CR1L: variants seen among roughly 807,000 people sequenced by gnomAD.
The protein encoded by CR1L is complement C3b/C4b receptor 1 like.
CR1L carries 59 observed loss-of-function variants against 62.3 expected under a neutral mutation model. The observed-to-expected ratio is 0.95, with a 90% CI of 0.77 to 1.18. CR1L has a LOEUF of 1.18. CR1L is among the 50% of genes most tolerant of loss of function. The pLI, the probability that CR1L is intolerant of heterozygous loss-of-function variation, is 0.00. For missense variants in CR1L, 700 were observed against 702.8 expected (o/e 1.00, Z 0.04); for synonymous variants, 279 against 248.7 (o/e 1.12, Z -1.15).
chr1:207,665,615 G>A (rs1219835910), intron 1 of CR1L, among the ~76,000 whole-genome samples: 2 of 151,722 alleles, frequency 1.3e-5, no homozygotes, highest in Non-Finnish European at 1.5e-5. Context: ...GGCTGGTCTC[G>A]AACTCCTGAC....
intron 1 of CR1L, among the ~76,000 whole-genome samples, chr1:207,656,041 A>T (rs1663305154): frequency 6.6e-6 from 1 of 152,148 alleles, no homozygotes; most frequent in Non-Finnish European, 1.5e-5. Flanking sequence ...GATCCAGACC[A>T]TCCTGTCTAA....
intron 1 of CR1L, among the ~76,000 whole-genome samples, chr1:207,654,710 C>T (rs932218020): frequency 2.6e-5 from 4 of 152,168 alleles, no homozygotes; most frequent in Admixed American, 6.6e-5. Context: ...AACAACCCCA[C>T]GAGCTATGTA....
intron 1 of CR1L, among the ~76,000 whole-genome samples, chr1:207,645,971 C>G (rs961304114): frequency 6.6e-6 from 1 of 152,108 alleles, no homozygotes; most frequent in African/African-American, 2.4e-5. Context: ...GCGGACTCTG[C>G]GGCTAGGGAG....
At chr1:207,669,838 G>T (rs1191254936) in intron 1 of CR1L, among the ~76,000 whole-genome samples, 3 of 151,286 alleles carry the variant, frequency 2.0e-5, no homozygotes, top group African/African-American at 4.9e-5. Flanking sequence ...TGCTGAGCGG[G>T]TGCCGCACGA....
chr1:207,667,149 A>C (rs1176362239), intron 1 of CR1L, among the ~76,000 whole-genome samples: 1 of 152,222 alleles, frequency 6.6e-6, no homozygotes, highest in African/African-American at 2.4e-5. Flanking sequence ...ACAACAATGA[A>C]AAACTTTCGC....
intron 9 of CR1L, among the ~76,000 whole-genome samples, chr1:207,702,080 C>T (rs572125945): frequency 3.1e-4 from 47 of 152,216 alleles, no homozygotes; most frequent in Admixed American, 2.3e-3. Flanking sequence ...CTTGTGGCAA[C>T]GCTGCAACAA....
At chr1:207,664,256 T>A (rs916538703) in intron 1 of CR1L, among the ~76,000 whole-genome samples, 2 of 152,224 alleles carry the variant, frequency 1.3e-5, no homozygotes, top group Non-Finnish European at 2.9e-5. Context: ...AGACTATGCT[T>A]AATTAACATC....
At chr1:207,686,122 C>T (rs12744494) in intron 4 of CR1L, among the ~76,000 whole-genome samples, 12,637 of 17,908 alleles carry the variant, frequency 0.71, 4,416 homozygotes, top group South Asian at 0.75. Context: ...CTCCCTCCCT[C>T]CCTTCCTCCC....
chr1:207,666,478 A>G (rs1663525389), intron 1 of CR1L, among the ~76,000 whole-genome samples: 1 of 152,228 alleles, frequency 6.6e-6, no homozygotes, highest in South Asian at 2.1e-4. Context: ...TAGACTGGAT[A>G]AAGAAAATGT....
intron 2 of CR1L, 97 bp from the exon 3 acceptor site, chr1:207,678,101 T>C: frequency 9.6e-7 from 1 of 1,042,342 alleles, no homozygotes; most frequent in Non-Finnish European, 1.5e-6. Flanking sequence ...GAACTGCATG[T>C]GTTCCTCAGT....
chr1:207,676,335 G>A (rs895375458), intron 1 of CR1L, among the ~76,000 whole-genome samples: 1 of 152,088 alleles, frequency 6.6e-6, no homozygotes, highest in Non-Finnish European at 1.5e-5. Context: ...GGTACTGTCC[G>A]GTGGCCTGTT....
intron 1 of CR1L, among the ~76,000 whole-genome samples, chr1:207,647,829 T>C (rs1031740054): frequency 6.6e-6 from 1 of 152,178 alleles, no homozygotes; most frequent in Non-Finnish European, 1.5e-5. Flanking sequence ...TGCATCTCAC[T>C]GATCATTAAA....
chr1:207,682,782 AAC>A (rs1663820892), intron 3 of CR1L, among the ~76,000 whole-genome samples: 1 of 152,212 alleles, frequency 6.6e-6, no homozygotes, highest in Non-Finnish European at 1.5e-5. Context: ...CATCTATCAC[AAC>A]AGAGGGTCTC....
At chr1:207,697,471 C>T (rs1475986404) in intron 5 of CR1L, 32 bp from the exon 6 acceptor site, 3 of 1,613,430 alleles carry the variant, frequency 1.9e-6, no homozygotes, top group African/African-American at 1.3e-5. Flanking sequence ...TATTTTCACA[C>T]AATTAGCAGT....
intron 1 of CR1L, among the ~76,000 whole-genome samples, chr1:207,666,354 A>G (rs1663523631): frequency 6.6e-6 from 1 of 152,250 alleles, no homozygotes; most frequent in African/African-American, 2.4e-5. Flanking sequence ...GAAGGGATTC[A>G]TAATTCTGAC....
chr1:207,710,460 C>A (rs1178043219), intron 10 of CR1L: 3 of 1,597,132 alleles, frequency 1.9e-6, no homozygotes, highest in African/African-American at 2.7e-5. Context: ...CACTATGGAT[C>A]AGTGGTGACC....
chr1:207,719,581 C>T (rs1029130479), intron 11 of CR1L, among the ~76,000 whole-genome samples: 1 of 151,950 alleles, frequency 6.6e-6, no homozygotes, highest in Non-Finnish European at 1.5e-5. Flanking sequence ...ATTAGCTGGG[C>T]GTGGTAGTGC....
At chr1:207,702,725 T>A (rs1664212406) in intron 9 of CR1L, among the ~76,000 whole-genome samples, 1 of 152,216 alleles carries the variant, frequency 6.6e-6, no homozygotes, top group South Asian at 2.1e-4. Flanking sequence ...AGCCTAATCC[T>A]GAGCAAGGCC....
intron 9 of CR1L, among the ~76,000 whole-genome samples, chr1:207,706,566 C>T (rs1441957564): frequency 6.6e-6 from 1 of 152,094 alleles, no homozygotes; most frequent in Non-Finnish European, 1.5e-5. Flanking sequence ...GAAAAAAACT[C>T]AGATTCCAGA....
Sources: allele counts gnomAD v4.1 joint callset (sites outside exome capture counted in the v4.1 genomes callset), GRCh38; gene constraint gnomAD v4.1.1; transcripts MANE v1.5; gene names NCBI Gene and HGNC (gene_info 2026-07-23, HGNC 2026-07-21).